Variants in STPG2 observed in about 807,000 individuals in gnomAD.
The protein encoded by STPG2 is sperm tail PG-rich repeat containing 2, also known as sperm-tail PG-rich repeat-containing protein 2.
Under a neutral mutation model 54.2 loss-of-function variants are expected in STPG2, and 56 were observed. The ratio of observed to expected loss-of-function variants is 1.03; its 90% CI spans 0.83 to 1.29. STPG2 has a LOEUF of 1.29. Ranked by LOEUF, STPG2 falls within the 50% of genes most tolerant of loss-of-function variation. The pLI, the probability that STPG2 is intolerant of heterozygous loss-of-function variation, is 0.00. For synonymous variants in STPG2, 200 were observed against 181.8 expected (o/e 1.10, Z -0.81); for missense variants, 596 against 544.9 (o/e 1.09, Z -0.93).
At chr4:97,462,029 T>C (rs1172005405) in intron 4 of STPG2, among the ~76,000 whole-genome samples, 1 of 152,124 alleles carries the variant, frequency 6.6e-6, no homozygotes. Context: ...TAACTTAACC[T>C]CATGAAGATA....
At chr4:97,505,791 G>A (rs1004675877) in intron 4 of STPG2, among the ~76,000 whole-genome samples, 2 of 151,658 alleles carry the variant, frequency 1.3e-5, no homozygotes, top group Non-Finnish European at 2.9e-5. Flanking sequence ...TATCCTAAGT[G>A]GTGGTCTTGA....
chr4:97,958,682 A>AAC (rs1486294520), intron 7 of STPG2, among the ~76,000 whole-genome samples: 13 of 152,148 alleles, frequency 8.5e-5, no homozygotes, highest in Non-Finnish European at 7.3e-5. Flanking sequence ...CACAATCCTA[A>AAC]ATATATATGC....
At chr4:97,582,298 T>C (rs1220081400) in intron 10 of STPG2, among the ~76,000 whole-genome samples, 1 of 152,044 alleles carries the variant, frequency 6.6e-6, no homozygotes, top group Non-Finnish European at 1.5e-5. Context: ...TTGAATCAGT[T>C]AGTGGATTAG....
At chr4:97,971,214 ATTAG>A (rs1387290767) in intron 7 of STPG2, among the ~76,000 whole-genome samples, 1 of 152,218 alleles carries the variant, frequency 6.6e-6, no homozygotes, top group Non-Finnish European at 1.5e-5. Context: ...GGGAGTGTAA[ATTAG>A]TTAATCATTG....
At chr4:98,108,040 G>T (rs1739236742) in intron 4 of STPG2, among the ~76,000 whole-genome samples, 1 of 152,034 alleles carries the variant, frequency 6.6e-6, no homozygotes, top group Non-Finnish European at 1.5e-5. Flanking sequence ...GTGAAAAAGT[G>T]AACAGCATAA....
chr4:97,680,997 T>G (rs1723015273), intron 10 of STPG2, among the ~76,000 whole-genome samples: 1 of 151,952 alleles, frequency 6.6e-6, no homozygotes, highest in Non-Finnish European at 1.5e-5. Flanking sequence ...AAAATCTATG[T>G]TTTTATTTAT....
chr4:97,462,765 C>G (rs1242888535), intron 4 of STPG2, among the ~76,000 whole-genome samples: 1 of 151,874 alleles, frequency 6.6e-6, no homozygotes, highest in South Asian at 2.1e-4. Context: ...TTTTCATGTA[C>G]CTTACCTACA....
chr4:97,596,111 G>A (rs751434082), intron 10 of STPG2, among the ~76,000 whole-genome samples: 3 of 152,052 alleles, frequency 2.0e-5, no homozygotes, highest in Non-Finnish European at 4.4e-5. Context: ...AAAATCAGGG[G>A]TTGCTATTCT....
chr4:97,751,317 T>A (rs551674292), intron 9 of STPG2, among the ~76,000 whole-genome samples: 1 of 151,896 alleles, frequency 6.6e-6, no homozygotes, highest in African/African-American at 2.4e-5. Flanking sequence ...ATTTTGTAAG[T>A]GTAACAGTTT....
In STPG2 at chr4:98,105,953, C is replaced by T; in HGVS notation, c.612G>A (p.Lys204=). The part of the protein sequence containing the change: ...YEIIVLQEKK[K]RFLPMKSITP... ...ATGCATTAGCCACTTTTCAACTTAC[C>T]TTTTTTTTCTCCTGCAATACTATTA... Residue 204 remains lysine, a splice_region_variant and synonymous_variant, in exon 5 of 11, where the codon AAG becomes AAA. Coordinates refer to ENST00000295268, the MANE Select transcript of STPG2 (RefSeq NM_174952.3). 12 of 1,553,444 alleles carry T rather than the reference C, an allele frequency of 7.7e-6. No individual in the cohort carries two copies. The South Asian group carries it at 9.1e-5, about 12-fold the overall frequency.
At chr4:97,531,942 C>T (rs183917418) in intron 4 of STPG2, among the ~76,000 whole-genome samples, 101 of 152,186 alleles carry the variant, frequency 6.6e-4, no homozygotes, top group Non-Finnish European at 1.2e-3. Context: ...GTGGTTATTA[C>T]ACATAAAATG....
chr4:97,558,283 A>C (rs754256942), downstream of STPG2, among the ~76,000 whole-genome samples: 5 of 152,186 alleles, frequency 3.3e-5, no homozygotes, highest in Non-Finnish European at 5.9e-5. Flanking sequence ...AATTAGTAAA[A>C]ATCTCAGAAT....
At chr4:97,633,732 G>C (rs955596721) in intron 10 of STPG2, 7 of 153,256 alleles carry the variant, frequency 4.6e-5, no homozygotes, top group African/African-American at 1.7e-4. Context: ...AGGGGTGACG[G>C]ACAGCACCTG....
chr4:97,601,639 A>G (rs776669044), intron 10 of STPG2, among the ~76,000 whole-genome samples: 46 of 152,006 alleles, frequency 3.0e-4, no homozygotes, highest in Admixed American at 7.2e-4. Flanking sequence ...TCCCTGTTTC[A>G]TATCAAGGAT....
At chr4:97,612,126 A>G (rs964323244) in intron 10 of STPG2, among the ~76,000 whole-genome samples, 1 of 151,858 alleles carries the variant, frequency 6.6e-6, no homozygotes, top group African/African-American at 2.4e-5. Context: ...ACATGACTAG[A>G]CATTTCACAT....
chr4:97,892,106 T>A (rs1032395904), intron 8 of STPG2, among the ~76,000 whole-genome samples: 1 of 152,174 alleles, frequency 6.6e-6, no homozygotes, highest in South Asian at 2.1e-4. Flanking sequence ...TATCACACCC[T>A]ATTATAATCT....
At chr4:98,016,047 G>A (rs1449731104) in intron 5 of STPG2, among the ~76,000 whole-genome samples, 1 of 152,166 alleles carries the variant, frequency 6.6e-6, no homozygotes, top group Admixed American at 6.5e-5. Flanking sequence ...TCACACTCCA[G>A]GGCCTGTGTG....
intron 7 of STPG2, among the ~76,000 whole-genome samples, chr4:97,963,949 A>T (rs1733995483): frequency 6.6e-6 from 1 of 152,174 alleles, no homozygotes; most frequent in Admixed American, 6.5e-5. Flanking sequence ...GGCAGAAACT[A>T]GAGAGCTATT....
intron 9 of STPG2, among the ~76,000 whole-genome samples, chr4:97,723,978 T>A (rs1724540762): frequency 6.6e-6 from 1 of 152,228 alleles, no homozygotes; most frequent in African/African-American, 2.4e-5. Flanking sequence ...ACCATATCAG[T>A]AAGTTTGTCA....
Sources: gnomAD v4.1 joint callset for allele counts (sites outside exome capture counted in the v4.1 genomes callset) on GRCh38, gnomAD v4.1.1 for gene constraint, MANE v1.5 for transcripts, NCBI Gene and HGNC (gene_info 2026-07-23, HGNC 2026-07-21) for gene names.